WDR62: variants seen among roughly 807,000 people sequenced by gnomAD.
WDR62 encodes WD repeat-containing protein 62.
In WDR62, 112 loss-of-function variants were observed where a neutral mutation model predicts 160.6. That is an observed-to-expected ratio of 0.70 (90% CI 0.60 to 0.82). The LOEUF (loss-of-function observed/expected upper bound fraction) is 0.82, where lower values mean the gene tolerates loss of function less well. WDR62 is among the 40% of genes least tolerant of loss of function. The pLI is 0.00. For missense variants in WDR62, 1,819 were observed against 1,983.8 expected, an observed-to-expected ratio of 0.92 and a Z score of 1.58; for synonymous variants, 792 against 815.1, an observed-to-expected ratio of 0.97 and a Z score of 0.48.
chr19:36,077,323 G>A lies in WDR62; in HGVS notation c.1233+3792G>A, dbSNP rs1971631978. On this transcript the variant is annotated intron_variant, in intron 9 of 31. Transcript: ENST00000401500. Reference sequence around the variant, plus strand: ...GATGGAGTCTCACTCTGTCGCCCAGGCTGGAGTGATGCAGTGGCACGATCT... The same window carrying A: ...GATGGAGTCTCACTCTGTCGCCCAGACTGGAGTGATGCAGTGGCACGATCT... Among the ~76,000 whole-genome samples the A allele has an allele frequency of 3.8e-5, 5 of 133,096 alleles. No homozygotes were observed. The South Asian group carries it at 1.2e-3, about 32-fold the overall frequency. 87.3% of individuals were successfully genotyped at this position (133,096 alleles called of 152,430 possible).
Position 36,105,104 on chromosome 19 carries a change from A to G in WDR62, c.*76A>G. The G allele has an allele frequency of 6.6e-7, 1 of 1,524,936 alleles. No homozygotes were observed. Among genetic ancestry groups the G allele is most frequent in the East Asian group, 2.4e-5 (1 of 41,810 alleles). The allele number at this position is 1,524,936 out of a possible 1,614,324, so 94.5% of individuals were successfully genotyped here. On this transcript the variant is annotated 3_prime_UTR_variant, in exon 32 of 32. Coordinates refer to ENST00000401500, the MANE Select transcript of WDR62 (RefSeq NM_001083961.2). ...TTAAGCGAATAAACTGACAGCTTTG[A>G]GGAATGGTTCCTGGTGTCTGTTTGG...
At chr19:36,060,243 C>T in intron 3 of WDR62, 1 of 607,932 alleles carries the variant, frequency 1.6e-6, no homozygotes, top group Non-Finnish European at 3.0e-6. Context: ...TAGAGCGAGA[C>T]AGACTGTAAA....
chr19:36,104,426 CAG>C, intron 30 of WDR62, 90 bp from the exon 31 acceptor site: 1 of 1,523,678 alleles, frequency 6.6e-7, no homozygotes, highest in South Asian at 1.2e-5. Context: ...GTGTTCCAGA[CAG>C]AAGTACAGCA....
In WDR62 at chr19:36,067,308, A is replaced by T; in HGVS notation, c.564A>T (p.Lys188Asn). 1 of 1,614,178 alleles carries T rather than the reference A, an allele frequency of 6.2e-7. No individual in the cohort carries two copies. Among genetic ancestry groups the T allele is most frequent in the South Asian group, 1.1e-5 (1 of 91,086 alleles). The change falls in exon 6 of 32, where the codon AAA (lysine) becomes AAT (asparagine). Residue 188 changes from lysine to asparagine, a missense_variant and splice_region_variant. Transcript: ENST00000401500. Reference sequence around the variant, plus strand: ...CTTCTCTGCACTTATTCTTCCAGAAAGACATCGTAGTGGCCTCCAACAAGG... The same window carrying T: ...CTTCTCTGCACTTATTCTTCCAGAATGACATCGTAGTGGCCTCCAACAAGG... ...DMVLNVWDWKKDIVVASNKVS... is the reference protein window; with the variant it reads ...DMVLNVWDWKNDIVVASNKVS...
At chr19:36,096,859 T>C (rs1246909857) in intron 20 of WDR62, among the ~76,000 whole-genome samples, 168 bp from the exon 21 acceptor site, 1 of 152,182 alleles carries the variant, frequency 6.6e-6, no homozygotes, top group Non-Finnish European at 1.5e-5. Context: ...GTCTCGTGAG[T>C]CAAATATCGC....
At chr19:36,083,860 T>C (rs2145724394) in intron 11 of WDR62, among the ~76,000 whole-genome samples, 1 of 152,338 alleles carries the variant, frequency 6.6e-6, no homozygotes, top group East Asian at 1.9e-4. Flanking sequence ...CTACAAGTTT[T>C]CAAACTTTCC....
intron 18 of WDR62, 126 bp downstream of exon 18, chr19:36,091,591 C>A: frequency 1.1e-6 from 1 of 940,824 alleles, no homozygotes; most frequent in Non-Finnish European, 1.7e-6. Flanking sequence ...TCACACCCAG[C>A]CCTGAGTTCA....
intron 1 of WDR62, among the ~76,000 whole-genome samples, chr19:36,057,407 G>C (rs1159197936): frequency 6.6e-6 from 1 of 152,116 alleles, no homozygotes; most frequent in Non-Finnish European, 1.5e-5. Flanking sequence ...AATGCTGATC[G>C]ACAGATAAGA....
rs770853241 is a variant in WDR62 at position 36,105,025 on chromosome 19, C to T, written c.4569C>T (p.His1523=). 9 of 1,597,582 alleles carry T rather than the reference C, an allele frequency of 5.6e-6. No individual in the cohort carries two copies. In the South Asian group the frequency reaches 6.7e-5, roughly 12 times the overall value. The change falls in exon 32 of 32, where the codon CAC becomes CAT. Residue 1523 remains histidine (H), a synonymous_variant. Transcript: ENST00000401500. ...VQAVRRKARG[H] Reference sequence around the variant, plus strand: ...CCGTGCGGAGGAAGGCACGGGGGCACTGAGGGCGCAGCCCCTCCACCGCAG... The same window carrying T: ...CCGTGCGGAGGAAGGCACGGGGGCATTGAGGGCGCAGCCCCTCCACCGCAG...
rs753533171 is a variant in WDR62, at chr19:36,065,954, C to T, written c.333-4C>T. On this transcript the variant is annotated splice_region_variant and splice_polypyrimidine_tract_variant and intron_variant, in intron 3 of 31. Transcript: ENST00000401500. ...CAGTGATCAGCTCTTTTCTTTATCCCCAGGAAGTCTCTCAGTGCTCTGGCC... is the reference window on the plus strand; with the variant it reads ...CAGTGATCAGCTCTTTTCTTTATCCTCAGGAAGTCTCTCAGTGCTCTGGCC... 3 of 1,614,164 alleles carry T rather than the reference C, an allele frequency of 1.9e-6. No homozygotes were observed. The highest frequency in any genetic ancestry group is 2.5e-6 in the Non-Finnish European group (3 of 1,180,012).
downstream of WDR62, among the ~76,000 whole-genome samples, chr19:36,105,691 G>GTATT (rs1297897750): frequency 3.3e-5 from 5 of 151,952 alleles, no homozygotes; most frequent in East Asian, 1.9e-4. Flanking sequence ...TTTATTTCAT[G>GTATT]TATTTATTTA....
chr19:36,100,904 T>C, intron 23 of WDR62, 29 bp downstream of exon 23: 1 of 1,613,732 alleles, frequency 6.2e-7, no homozygotes, highest in Non-Finnish European at 8.5e-7. Context: ...AAGGGAGCCT[T>C]AGTTGGAGGA....
intron 9 of WDR62, among the ~76,000 whole-genome samples, chr19:36,077,984 T>TTG (rs1971673835): frequency 1.3e-5 from 2 of 152,320 alleles, no homozygotes; most frequent in South Asian, 4.1e-4. Context: ...TTTATCCATG[T>TTG]TGTAGCATGT....
rs757544542 is a variant in WDR62, at chr19:36,103,915, C to A, written c.4087C>A (p.Pro1363Thr). ...SPGLPAHPSN[P>T]QLPEARPGIP... ...TGGCCTTCCTGCCCACCCCAGTAAC[C>A]CCCAGCTTCCAGAGGCCCGGCCTGG... Residue 1363 changes from proline (P) to threonine (T), a missense_variant, in exon 30 of 32, where the codon CCC (proline) becomes ACC (threonine). Around this residue, in one of 3 missense-constraint regions of WDR62, gnomAD observed 770 missense variants for 734.2 expected, o/e 1.05. Coordinates refer to ENST00000401500, the MANE Select transcript of WDR62 (RefSeq NM_001083961.2). The A allele has an allele frequency of 1.9e-6, 3 of 1,599,434 alleles. No individual in the cohort carries two copies. The highest frequency in any genetic ancestry group is 2.5e-6 in the Non-Finnish European group (3 of 1,179,950).
chr19:36,103,319 C>G, intron 29 of WDR62, 24 bp from the exon 30 acceptor site: 1 of 1,613,332 alleles, frequency 6.2e-7, no homozygotes, highest in Non-Finnish European at 8.5e-7. Context: ...GTGGTGGAGT[C>G]AGTGCCATCT....
At chr19:36,090,415 G>C in intron 15 of WDR62, 30 bp from the exon 16 acceptor site, 1 of 1,611,700 alleles carries the variant, frequency 6.2e-7, no homozygotes, top group Non-Finnish European at 8.5e-7. Flanking sequence ...GCGGGGCCCT[G>C]TTGGCCGCAA....
At chr19:36,106,659 T>C (rs1184264660), downstream of WDR62, among the ~76,000 whole-genome samples, 1 of 152,112 alleles carries the variant, frequency 6.6e-6, no homozygotes, top group Non-Finnish European at 1.5e-5. Context: ...CCACACGTGA[T>C]CTGTGTGGAA....
rs1186591918 is a variant in WDR62 at position 36,101,636 on chromosome 19, G to A, written c.2972-28G>A. On this transcript the variant is annotated intron_variant, in intron 24 of 31. Coordinates refer to ENST00000401500, the MANE Select transcript of WDR62 (RefSeq NM_001083961.2). ...GGCTCACCAGAATGGTCAGGCTGTG[G>A]GCTCCTGACCCCGACTCTGTCCTTC... 5 of 1,512,252 alleles carry A rather than the reference G, an allele frequency of 3.3e-6. 1 individual carries two copies. The East Asian group carries it at 1.2e-4, about 37-fold the overall frequency. 93.7% of individuals were successfully genotyped at this position (1,512,252 alleles called of 1,614,324 possible).
chr19:36,061,495 G>C (rs1970643739), intron 3 of WDR62: 1 of 152,196 alleles, frequency 6.6e-6, no homozygotes, highest in Non-Finnish European at 1.5e-5. Flanking sequence ...CTTTTGTTTG[G>C]AGAAGTGAGA....
Sources: gnomAD v4.1 joint callset for allele counts (sites outside exome capture counted in the v4.1 genomes callset) on GRCh38, gnomAD v4.1.1 for gene constraint, gnomAD v4.1.1 regional missense constraint, MANE v1.5 for transcripts, NCBI Gene and HGNC (gene_info 2026-07-23, HGNC 2026-07-21) for gene names.